RORA: variants seen among roughly 807,000 people sequenced by gnomAD.
RORA encodes nuclear receptor ROR-alpha.
Under a neutral mutation model 69.5 loss-of-function variants are expected in RORA, and 7 were observed. The observed-to-expected ratio is 0.10, with a 90% confidence interval of 0.06 to 0.19. RORA has a LOEUF of 0.19. RORA is among the 10% of genes least tolerant of loss of function. RORA has a pLI of 1.00. For synonymous variants in RORA, 261 were observed against 240.8 expected, an observed-to-expected ratio of 1.08 and a Z score of -0.78; for missense variants, 457 against 663.0, an observed-to-expected ratio of 0.69 and a Z score of 3.41.
intron 8 of RORA, among the ~76,000 whole-genome samples, chr15:60,501,547 A>G (rs1595867322): frequency 6.6e-6 from 1 of 152,306 alleles, no homozygotes; most frequent in East Asian, 1.9e-4. Flanking sequence ...AAGAAGAAGC[A>G]AAGCTAGGCT....
chr15:61,002,327 G>T (rs1257217308), intron 1 of RORA, among the ~76,000 whole-genome samples: 1 of 152,194 alleles, frequency 6.6e-6, no homozygotes, highest in African/African-American at 2.4e-5. Flanking sequence ...CTACCTCTGA[G>T]TAACATGGAA....
At chr15:60,557,038 A>G in intron 2 of RORA, 1 of 839,828 alleles carries the variant, frequency 1.2e-6, no homozygotes, top group Non-Finnish European at 1.9e-6. Context: ...AGTACCCAAA[A>G]AAGTACTGTT....
intron 1 of RORA, among the ~76,000 whole-genome samples, chr15:60,898,347 G>T (rs1465533772): frequency 6.6e-6 from 1 of 151,986 alleles, no homozygotes. Flanking sequence ...TAAATAAACT[G>T]GTAAATCTTT....
At chr15:61,211,842 TC>T (rs1362436035) in intron 1 of RORA, 1 of 152,198 alleles carries the variant, frequency 6.6e-6, no homozygotes, top group Non-Finnish European at 1.5e-5. Context: ...ATCATCAACC[TC>T]CTTCCAGGAC....
chr15:61,201,919 GAACT>G (rs1567035463), intron 1 of RORA, among the ~76,000 whole-genome samples: 1 of 150,910 alleles, frequency 6.6e-6, no homozygotes, highest in African/African-American at 2.5e-5. Flanking sequence ...AAGCGAAATC[GAACT>G]GACTATTAGA....
chr15:60,930,849 C>T (rs1318473150), intron 1 of RORA, among the ~76,000 whole-genome samples: 3 of 152,222 alleles, frequency 2.0e-5, no homozygotes, highest in East Asian at 3.9e-4. Context: ...GCCAAGAGAC[C>T]GACCCTGGTG....
intron 1 of RORA, among the ~76,000 whole-genome samples, chr15:61,186,680 A>C (rs2079746146): frequency 6.6e-6 from 1 of 150,886 alleles, no homozygotes; most frequent in Non-Finnish European, 1.5e-5. Flanking sequence ...GAAAAAGAAA[A>C]AGAATCCAGA....
intron 1 of RORA, among the ~76,000 whole-genome samples, chr15:61,146,356 GC>G (rs895929629): frequency 4.0e-5 from 6 of 151,804 alleles, no homozygotes; most frequent in African/African-American, 1.5e-4. Context: ...TTTCAGAAGT[GC>G]CCCCCACCAA....
At chr15:60,834,049 C>T (rs938000174) in intron 1 of RORA, among the ~76,000 whole-genome samples, 1 of 152,282 alleles carries the variant, frequency 6.6e-6, no homozygotes, top group Admixed American at 6.5e-5. Context: ...GCATGCTTAC[C>T]ACAGTGCTGG....
chr15:60,844,311 A>G (rs1339008528), intron 1 of RORA, among the ~76,000 whole-genome samples: 1 of 152,178 alleles, frequency 6.6e-6, no homozygotes, highest in Non-Finnish European at 1.5e-5. Context: ...ACACAGAGGG[A>G]ACAAAAGAAT....
chr15:60,857,753 A>C (rs975020070), intron 1 of RORA, among the ~76,000 whole-genome samples: 6 of 152,182 alleles, frequency 3.9e-5, no homozygotes, highest in African/African-American at 1.2e-4. Flanking sequence ...CAACATAATT[A>C]AGCAAAATGA....
intron 6 of RORA, among the ~76,000 whole-genome samples, chr15:60,504,720 T>C (rs1252761302): frequency 6.6e-6 from 1 of 152,236 alleles, no homozygotes; most frequent in African/African-American, 2.4e-5. Flanking sequence ...CAAAGCAATG[T>C]GTTGCTATTC....
rs1383223977 is a variant in RORA, at chr15:61,147,415, G to C, written c.166+81638C>G. ...CTCCCTCCCCAGCCCTCCAGGAAGA[G>C]AGAGGTGGGTAACCCAACAGGTGCA... On this transcript the variant is annotated intron_variant, in intron 1 of 10. Transcript: ENST00000335670. This position sits in a 1 kb window ranked among gnomAD's most constrained non-coding sequence, Gnocchi z 4.1. Among the ~76,000 whole-genome samples the C allele has an allele frequency of 1.3e-5, 2 of 152,190 alleles. No homozygotes were observed. Among genetic ancestry groups the C allele is most frequent in the Non-Finnish European group, 2.9e-5 (2 of 68,032 alleles).
intron 1 of RORA, among the ~76,000 whole-genome samples, chr15:60,862,939 T>A (rs772743436): frequency 6.6e-5 from 10 of 152,232 alleles, no homozygotes; most frequent in Non-Finnish European, 1.0e-4. Flanking sequence ...TAAGCTTTCA[T>A]ATAGGGGCTT....
intron 1 of RORA, among the ~76,000 whole-genome samples, chr15:61,087,879 T>C (rs1015018828): frequency 1.3e-5 from 2 of 152,214 alleles, no homozygotes; most frequent in African/African-American, 2.4e-5. Context: ...CCTTTTGCTT[T>C]TGGAGATTGT....
chr15:60,519,064 A>C (rs2066065124), intron 3 of RORA, among the ~76,000 whole-genome samples: 1 of 152,190 alleles, frequency 6.6e-6, no homozygotes. Context: ...CATTGTGCCT[A>C]ATTTATAAGT....
intron 1 of RORA, among the ~76,000 whole-genome samples, chr15:60,838,742 G>C (rs1002325380): frequency 2.6e-5 from 4 of 151,906 alleles, no homozygotes; most frequent in Non-Finnish European, 5.9e-5. Context: ...AAAAACTTCA[G>C]TGTCTTCTGG....
intron 1 of RORA, among the ~76,000 whole-genome samples, chr15:61,154,861 T>G (rs948657926): frequency 6.6e-6 from 1 of 152,082 alleles, no homozygotes; most frequent in Non-Finnish European, 1.5e-5. Flanking sequence ...GAGAGTGGGC[T>G]GAGAAATGGG....
At chr15:60,580,611 C>T (rs752640206) in intron 2 of RORA, among the ~76,000 whole-genome samples, 1 of 152,160 alleles carries the variant, frequency 6.6e-6, no homozygotes, top group Admixed American at 6.5e-5. Flanking sequence ...GCAATTATGG[C>T]GTTCATTTGC....
Sources: gnomAD v4.1 joint callset for allele counts (sites outside exome capture counted in the v4.1 genomes callset) on GRCh38, gnomAD v4.1.1 for gene constraint, Gnocchi (gnomAD v3.1) non-coding constraint, MANE v1.5 for transcripts, NCBI Gene and HGNC (gene_info 2026-07-23, HGNC 2026-07-21) for gene names.